The following JAK1 variants were observed in gnomAD, a reference collection of about 807,000 sequenced individuals.
The protein encoded by JAK1 is Janus kinase 1.
A neutral mutation model predicts 136.6 loss-of-function variants in JAK1; 16 were observed. That is an observed-to-expected ratio of 0.12 (90% confidence interval 0.08 to 0.18). The LOEUF (loss-of-function observed/expected upper bound fraction) is 0.18, where lower values mean the gene tolerates loss of function less well. Ranked by LOEUF, JAK1 falls within the 10% of genes least tolerant of loss-of-function variation. The probability of loss-of-function intolerance (pLI) is 1.00; values close to 1 mark genes in which losing one functional copy is unlikely to be tolerated. For synonymous variants in JAK1, 492 were observed against 519.5 expected (o/e 0.95, Z 0.72); for missense variants, 859 against 1,450.1 (o/e 0.59, Z 6.62).
chr1:64,928,445 C>G (rs1645620269), intron 1 of JAK1, among the ~76,000 whole-genome samples: 1 of 152,202 alleles, frequency 6.6e-6, no homozygotes, highest in Non-Finnish European at 1.5e-5. Flanking sequence ...CTCACTGCAC[C>G]TAGTAGGTAT....
At chr1:64,941,996 G>A (rs1184594700) in intron 1 of JAK1, 1 of 152,142 alleles carries the variant, frequency 6.6e-6, no homozygotes, top group African/African-American at 2.4e-5. Context: ...ATACAAGAAC[G>A]ATCCAGAATT....
At chr1:64,944,109 C>A (rs1645938416) in intron 1 of JAK1, among the ~76,000 whole-genome samples, 1 of 150,530 alleles carries the variant, frequency 6.6e-6, no homozygotes, top group Non-Finnish European at 1.5e-5. Context: ...GTAGTCCCAG[C>A]TACTTGGGAG....
At chr1:64,951,262 A>G (rs552218106) in intron 1 of JAK1, among the ~76,000 whole-genome samples, 109 of 152,322 alleles carry the variant, frequency 7.2e-4, no homozygotes, top group South Asian at 1.5e-3. Context: ...CAGAGTCTCA[A>G]TTCGACCTAG....
intron 2 of JAK1, among the ~76,000 whole-genome samples, chr1:64,999,282 T>C (rs1236341207): frequency 1.3e-5 from 2 of 152,204 alleles, no homozygotes; most frequent in Non-Finnish European, 2.9e-5. Flanking sequence ...AGCTCTACTC[T>C]CAGTGCAAGC....
At chr1:64,980,541 T>C (rs1646534733) in intron 2 of JAK1, among the ~76,000 whole-genome samples, 1 of 151,370 alleles carries the variant, frequency 6.6e-6, no homozygotes, top group African/African-American at 2.4e-5. Context: ...GCTGGATCCT[T>C]GGTCTCAATT....
At chr1:64,908,082 TAACA>T (rs1165337498) in intron 1 of JAK1, among the ~76,000 whole-genome samples, 1 of 152,210 alleles carries the variant, frequency 6.6e-6, no homozygotes, top group Admixed American at 6.5e-5. Flanking sequence ...CTGACCTCCT[TAACA>T]GACAGAACAT....
intron 1 of JAK1, among the ~76,000 whole-genome samples, chr1:64,892,335 T>C (rs1345719914): frequency 6.6e-6 from 1 of 152,088 alleles, no homozygotes; most frequent in African/African-American, 2.4e-5. Context: ...CGCTGGAATA[T>C]AGTGGCACAA....
intron 12 of JAK1, chr1:64,847,927 C>T (rs1557630159): frequency 4.2e-6 from 2 of 481,336 alleles, no homozygotes; most frequent in African/African-American, 3.9e-5. Context: ...CTTTCTACCC[C>T]TAGGAACAGC....
At chr1:64,852,918 G>C (rs1655691782) in intron 11 of JAK1, among the ~76,000 whole-genome samples, 1 of 152,160 alleles carries the variant, frequency 6.6e-6, no homozygotes, top group Non-Finnish European at 1.5e-5. Context: ...GTATCATCAG[G>C]GTTCTGGAGT....
chr1:65,018,726 A>G (rs1646911924), intron 2 of JAK1, among the ~76,000 whole-genome samples: 1 of 152,206 alleles, frequency 6.6e-6, no homozygotes, highest in Non-Finnish European at 1.5e-5. Context: ...AAAAAATAAT[A>G]AAGGCCGGGC....
chr1:65,010,368 T>C (rs1488491299), intron 2 of JAK1, among the ~76,000 whole-genome samples: 2 of 152,160 alleles, frequency 1.3e-5, no homozygotes, highest in Admixed American at 6.5e-5. Context: ...ACACTTGCTC[T>C]GAGGGAAACC....
intron 2 of JAK1, among the ~76,000 whole-genome samples, chr1:65,011,927 C>T (rs888581091): frequency 2.6e-5 from 4 of 152,166 alleles, no homozygotes; most frequent in Admixed American, 6.5e-5. Context: ...AGAAGGAAAT[C>T]GCTAGTTAAG....
At chr1:65,055,830 G>A (rs553713320) in intron 1 of JAK1, among the ~76,000 whole-genome samples, 18 of 152,284 alleles carry the variant, frequency 1.2e-4, no homozygotes, top group Middle Eastern at 3.4e-3. Context: ...GACTCTGTCC[G>A]TAGTGCAGGG....
At chr1:64,838,640 T>C (rs1172980619) in intron 20 of JAK1, 51 bp from the exon 21 acceptor site, 10 of 1,599,398 alleles carry the variant, frequency 6.3e-6, no homozygotes, top group Non-Finnish European at 7.7e-6. Context: ...GAGGGAACCA[T>C]GGGAGAGGCA....
chr1:64,987,033 GT>G (rs1213371552), intron 2 of JAK1, among the ~76,000 whole-genome samples: 2 of 152,226 alleles, frequency 1.3e-5, no homozygotes, highest in Non-Finnish European at 2.9e-5. Flanking sequence ...AAGGCTCCCT[GT>G]TGCTGAAGCA....
At chr1:64,939,790 T>A (rs577067194) in intron 1 of JAK1, among the ~76,000 whole-genome samples, 1 of 152,258 alleles carries the variant, frequency 6.6e-6, no homozygotes, top group Non-Finnish European at 1.5e-5. Context: ...GCTATATAAG[T>A]CAATAAAAGT....
At chr1:64,968,065 G>T (rs954188488), upstream of JAK1, among the ~76,000 whole-genome samples, 8 of 152,078 alleles carry the variant, frequency 5.3e-5, no homozygotes, top group African/African-American at 1.2e-4. Flanking sequence ...TTATTGAGCT[G>T]GACCATAAAG....
intron 19 of JAK1, among the ~76,000 whole-genome samples, chr1:64,840,248 A>G (rs1316086219): frequency 6.6e-6 from 1 of 152,144 alleles, no homozygotes; most frequent in African/African-American, 2.4e-5. Flanking sequence ...CAAGTCCCCA[A>G]ATCGGAGCTG....
chr1:65,007,104 A>C (rs966993246), intron 2 of JAK1, among the ~76,000 whole-genome samples: 5 of 152,140 alleles, frequency 3.3e-5, no homozygotes, highest in African/African-American at 4.8e-5. Flanking sequence ...CACAGATCAA[A>C]AGTAACTGGA....
Sources: gnomAD v4.1 joint callset for allele counts (sites outside exome capture counted in the v4.1 genomes callset) on GRCh38, gnomAD v4.1.1 for gene constraint, MANE v1.5 for transcripts, NCBI Gene and HGNC (gene_info 2026-07-23, HGNC 2026-07-21) for gene names.